Variants in SFMBT1 observed in about 807,000 individuals in gnomAD.
SFMBT1 encodes the protein Scm like with four mbt domains 1, also known as scm-like with four MBT domains protein 1.
A neutral mutation model predicts 108.7 loss-of-function variants in SFMBT1; 32 were observed. The observed-to-expected ratio is 0.29, with a 90% CI of 0.22 to 0.40. The LOEUF is 0.40. Among genes scored for constraint, SFMBT1 ranks in the 10% least tolerant of loss-of-function variants. SFMBT1 has a pLI of 1.00. For missense variants in SFMBT1, 816 were observed against 1,059.6 expected, an observed-to-expected ratio of 0.77 and a Z score of 3.19; for synonymous variants, 348 against 369.5, an observed-to-expected ratio of 0.94 and a Z score of 0.67.
chr3:52,928,098 G>A (rs1702713646), intron 9 of SFMBT1, 93 bp downstream of exon 9: 1 of 1,498,582 alleles, frequency 6.7e-7, no homozygotes, highest in Non-Finnish European at 9.0e-7. Flanking sequence ...AGGGCAGGAG[G>A]AGAGGGACAA....
intron 8 of SFMBT1, 95 bp from the exon 9 acceptor site, chr3:52,928,436 CAT>C (rs1330672651): frequency 1.4e-5 from 18 of 1,304,006 alleles, no homozygotes; most frequent in South Asian, 2.8e-5. Flanking sequence ...AGTTCATACT[CAT>C]GTGGGTATTA....
At chr3:52,916,876 A>C (rs1046765883) in intron 13 of SFMBT1, among the ~76,000 whole-genome samples, 12 of 152,204 alleles carry the variant, frequency 7.9e-5, no homozygotes, top group African/African-American at 2.7e-4. Flanking sequence ...AATCACAAAT[A>C]AACTACTCAT....
chr3:52,974,911 G>T (rs1704467812), intron 1 of SFMBT1, among the ~76,000 whole-genome samples: 1 of 150,530 alleles, frequency 6.6e-6, no homozygotes, highest in Non-Finnish European at 1.5e-5. Flanking sequence ...GGAGGCTGAA[G>T]TGGGAGAATT....
intron 1 of SFMBT1, among the ~76,000 whole-genome samples, chr3:53,024,997 T>A (rs1699439834): frequency 7.1e-6 from 1 of 140,066 alleles, no homozygotes; most frequent in Non-Finnish European, 1.6e-5. Context: ...CCAATAGTTA[T>A]TATAGGGGAA....
intron 4 of SFMBT1, among the ~76,000 whole-genome samples, chr3:52,937,405 T>G (rs1396251431): frequency 1.3e-5 from 2 of 152,178 alleles, no homozygotes; most frequent in Non-Finnish European, 2.9e-5. Context: ...GTTTCCTTGA[T>G]TTTTAGGAAT....
At chr3:52,989,373 C>T (rs1029609531) in intron 1 of SFMBT1, among the ~76,000 whole-genome samples, 6 of 148,090 alleles carry the variant, frequency 4.1e-5, no homozygotes, top group African/African-American at 1.5e-4. Context: ...GGAGCCAGAG[C>T]TTGCAGTGAG....
intron 1 of SFMBT1, among the ~76,000 whole-genome samples, chr3:52,993,877 CAAAGCTAAAAA>C (rs1406257231): frequency 6.7e-6 from 1 of 149,746 alleles, no homozygotes; most frequent in Admixed American, 6.7e-5. Flanking sequence ...CATCGTAAGT[CAAAGCTAAAAA>C]AAAGCAACCA....
intron 12 of SFMBT1, among the ~76,000 whole-genome samples, chr3:52,919,034 G>T (rs1050334510): frequency 1.3e-5 from 2 of 151,940 alleles, no homozygotes; most frequent in African/African-American, 4.8e-5. Context: ...ATCTAATGCC[G>T]CCCCGATCTG....
rs959969074 is a variant in SFMBT1 at position 52,904,574 on chromosome 3, A to G, written c.*562T>C. The G allele has an allele frequency of 2.0e-5, 3 of 152,718 alleles. No individual in the cohort carries two copies. Among genetic ancestry groups the G allele is most frequent in the African/African-American group, 7.2e-5 (3 of 41,472 alleles). The allele number at this position is 152,718 out of a possible 1,614,324, so 9.5% of individuals were successfully genotyped here. On this transcript the variant is annotated 3_prime_UTR_variant, in exon 21 of 21. Transcript: ENST00000394752. ...TAAGAATCGATTTTAAAATGATCAA[A>G]GTGTGACTATACATTCAAAACCCTA...
At chr3:53,044,981 G>A (rs1002006805) in intron 1 of SFMBT1, 1 of 152,328 alleles carries the variant, frequency 6.6e-6, no homozygotes, top group African/African-American at 2.4e-5. Context: ...GTTCGCACAA[G>A]GCGTTTCTGC....
At chr3:52,978,907 T>G (rs184311690) in intron 1 of SFMBT1, among the ~76,000 whole-genome samples, 2 of 152,238 alleles carry the variant, frequency 1.3e-5, no homozygotes, top group Admixed American at 1.3e-4. Context: ...CAGAGGCAAA[T>G]TCACAGAGAC....
intron 13 of SFMBT1, among the ~76,000 whole-genome samples, chr3:52,917,244 C>T (rs1265745102): frequency 6.6e-6 from 1 of 152,174 alleles, no homozygotes; most frequent in East Asian, 1.9e-4. Flanking sequence ...AGAATTGTTT[C>T]CTCCTACTCA....
intron 1 of SFMBT1, among the ~76,000 whole-genome samples, chr3:52,974,886 A>T (rs926016501): frequency 6.6e-6 from 1 of 150,928 alleles, no homozygotes; most frequent in Non-Finnish European, 1.5e-5. Flanking sequence ...ACATGCTTGT[A>T]ATCCCACCTA....
chr3:53,015,808 A>G (rs1699105227), intron 1 of SFMBT1, among the ~76,000 whole-genome samples: 1 of 152,218 alleles, frequency 6.6e-6, no homozygotes, highest in South Asian at 2.1e-4. Context: ...GCTAATGGGT[A>G]CAAGGTTTTT....
At chr3:52,950,563 C>T (rs1328441847) in intron 3 of SFMBT1, among the ~76,000 whole-genome samples, 2 of 152,158 alleles carry the variant, frequency 1.3e-5, no homozygotes, top group African/African-American at 4.8e-5. Context: ...CAACCTCCGC[C>T]TCCCAGATTC....
intron 1 of SFMBT1, among the ~76,000 whole-genome samples, chr3:53,001,137 C>T (rs540664775): frequency 1.3e-5 from 2 of 150,414 alleles, no homozygotes; most frequent in South Asian, 4.2e-4. Context: ...AAGTGGTCAT[C>T]GACCCCCTTT....
intron 1 of SFMBT1, among the ~76,000 whole-genome samples, chr3:53,017,351 G>A (rs940837453): frequency 6.6e-6 from 1 of 152,194 alleles, no homozygotes; most frequent in African/African-American, 2.4e-5. Flanking sequence ...CTAGTATAGT[G>A]ACACTTATTT....
At chr3:53,010,246 G>C (rs1268769011) in intron 1 of SFMBT1, among the ~76,000 whole-genome samples, 2 of 152,236 alleles carry the variant, frequency 1.3e-5, no homozygotes, top group African/African-American at 2.4e-5. Context: ...TGGGTAAAGA[G>C]AGAACAACCA....
intron 1 of SFMBT1, among the ~76,000 whole-genome samples, chr3:52,983,886 G>A (rs991729681): frequency 2.0e-5 from 3 of 152,160 alleles, no homozygotes; most frequent in Non-Finnish European, 4.4e-5. Context: ...GAGCAGAGGA[G>A]GAACATAATT....
Sources: allele counts gnomAD v4.1 joint callset (sites outside exome capture counted in the v4.1 genomes callset), GRCh38; gene constraint gnomAD v4.1.1; transcripts MANE v1.5; gene names NCBI Gene and HGNC (gene_info 2026-07-23, HGNC 2026-07-21).